The following FBXO45 variants were observed in gnomAD, a reference collection of about 807,000 sequenced individuals.
FBXO45 encodes the protein F-box protein 45.
In FBXO45, 3 loss-of-function variants were observed where a neutral mutation model predicts 25.5. That is an observed-to-expected ratio of 0.12 (90% CI 0.05 to 0.30). The LOEUF is 0.30. Ranked by LOEUF, FBXO45 falls within the 10% of genes least tolerant of loss-of-function variation. The pLI is 1.00. For synonymous variants in FBXO45, 155 were observed against 149.8 expected (o/e 1.03, Z -0.25); for missense variants, 219 against 365.0 (o/e 0.60, Z 3.26).
At chr3:196,577,418 T>C (rs1735933616) in intron 1 of FBXO45, 35 bp from the exon 2 acceptor site, 1 of 1,397,956 alleles carries the variant, frequency 7.2e-7, no homozygotes, top group Non-Finnish European at 9.7e-7. Context: ...AAAAATAAAA[T>C]TGTTATTTAT....
In FBXO45 at chr3:196,584,130, C is replaced by T; in HGVS notation, c.676-3C>T. 1 of 1,613,098 alleles carries T rather than the reference C, an allele frequency of 6.2e-7. No individual in the cohort carries two copies. Among genetic ancestry groups the T allele is most frequent in the Admixed American group, 1.7e-5 (1 of 59,796 alleles). ...CTTCTAACCTTTTGATATCTGTTTG[C>T]AGATAGGAGAAAGAATTCGAGTCAT... On this transcript the variant is annotated splice_region_variant and splice_polypyrimidine_tract_variant and intron_variant, in intron 2 of 2. Transcript: ENST00000311630. The surrounding 1 kb of genome is among the most constrained non-coding windows in gnomAD (Gnocchi z 4.3).
At position 196,578,435 on chromosome 3, in the gene FBXO45, CA is replaced by C. The variant is rs1227577688; in HGVS notation, c.675+627del. ...TAAGCAGCCTATTTTTGCTCCAGAT[CA>C]GGGGTTGGCAAACTTTTTGTAAGGG... On this transcript the variant is annotated intron_variant, in intron 2 of 2. Transcript: ENST00000311630. Among the ~76,000 whole-genome samples the C allele has an allele frequency of 3.4e-4, 51 of 152,102 alleles. 1 individual carries two copies. Among genetic ancestry groups the C allele is most frequent in the Non-Finnish European group, 1.0e-4 (7 of 67,994 alleles).
rs750348351 is a variant in FBXO45 at position 196,577,790 on chromosome 3, A to G, written c.656A>G (p.Asn219Ser). The change falls in exon 2 of 3, where the codon AAC becomes AGC. Residue 219 changes from asparagine (N) to serine (S), a missense_variant. By Grantham distance (46) the Asn-to-Ser change is conservative (BLOSUM62 1). This residue lies in a region of FBXO45 where 34 missense variants were observed against 48.2 expected (regional missense o/e 0.70). Transcript: ENST00000311630. The stretch of plus-strand genomic sequence containing the variant: ...GTCAATGGCAGTTTTCCACAGTGCA[A>G]CAACGCACCAAAATATCAGGTGAGA... ...GEVNGSFPQC[N>S]NAPKYQIGER... 9 of 1,584,194 alleles carry G rather than the reference A, an allele frequency of 5.7e-6. No homozygotes were observed. The highest frequency in any genetic ancestry group is 7.8e-6 in the Non-Finnish European group (9 of 1,156,678).
chr3:196,579,153 G>A (rs1735965840), intron 2 of FBXO45, among the ~76,000 whole-genome samples: 1 of 152,154 alleles, frequency 6.6e-6, no homozygotes, highest in Non-Finnish European at 1.5e-5. Flanking sequence ...TGTAAAAGCC[G>A]TATTTATTAC....
chr3:196,582,440 GA>G (rs1736028996), intron 2 of FBXO45, among the ~76,000 whole-genome samples: 1 of 152,076 alleles, frequency 6.6e-6, no homozygotes, highest in Non-Finnish European at 1.5e-5. Context: ...GCAAAGGGAG[GA>G]AAAAAGCAGA....
In FBXO45 at chr3:196,587,004, A is replaced by G. The variant is rs951938538; in HGVS notation, c.*2686A>G. 2 of 152,248 alleles carry G rather than the reference A, an allele frequency of 1.3e-5. No individual in the cohort carries two copies. Among genetic ancestry groups the G allele is most frequent in the Admixed American group, 1.3e-4 (2 of 15,282 alleles). The allele number at this position is 152,248 out of a possible 1,614,324, so 9.4% of individuals were successfully genotyped here. On this transcript the variant is annotated 3_prime_UTR_variant, in exon 3 of 3. Coordinates refer to ENST00000311630, the MANE Select transcript of FBXO45 (RefSeq NM_001105573.2). Reference sequence around the variant, plus strand: ...GCTTGTGCCGTGGATGAAAAGTGCTATTAAAAGTCAAAGGAGTGTTCTGTT... The same window carrying G: ...GCTTGTGCCGTGGATGAAAAGTGCTGTTAAAAGTCAAAGGAGTGTTCTGTT...
rs1191664557 is a variant in FBXO45 at position 196,581,418 on chromosome 3, A to G, written c.676-2715A>G. Among the ~76,000 whole-genome samples the G allele has an allele frequency of 2.0e-5, 3 of 147,158 alleles. No individual in the cohort carries two copies. The East Asian group carries it at 5.8e-4, about 28-fold the overall frequency. On this transcript the variant is annotated intron_variant, in intron 2 of 2. Coordinates refer to ENST00000311630, the MANE Select transcript of FBXO45 (RefSeq NM_001105573.2). ...GCTAATTTTTGTATTTTTAGTAGAGATGAGGTTTCACCATGTTGGCCAGGA... is the reference window on the plus strand; with the variant it reads ...GCTAATTTTTGTATTTTTAGTAGAGGTGAGGTTTCACCATGTTGGCCAGGA...
chr3:196,573,691 G>T (rs773175069), intron 1 of FBXO45, among the ~76,000 whole-genome samples: 8 of 152,062 alleles, frequency 5.3e-5, no homozygotes, highest in Non-Finnish European at 1.0e-4. Flanking sequence ...TTTAGGGATA[G>T]CATAGAACAG....
chr3:196,577,951 C>G, intron 2 of FBXO45, 142 bp downstream of exon 2: 1 of 456,734 alleles, frequency 2.2e-6, no homozygotes, highest in Non-Finnish European at 3.4e-6. Flanking sequence ...TTCAGATACC[C>G]AGACTTCAAG....
chr3:196,576,054 G>GGAATGCCTCAGTTTTATTGT (rs1735908821), intron 1 of FBXO45, among the ~76,000 whole-genome samples: 1 of 152,168 alleles, frequency 6.6e-6, no homozygotes, highest in South Asian at 2.1e-4. Context: ...AAAAACATTG[G>GGAATGCCTCAGTTTTATTGT]GAATGCCTCA....
At chr3:196,576,327 A>G (rs1735913406) in intron 1 of FBXO45, among the ~76,000 whole-genome samples, 1 of 152,192 alleles carries the variant, frequency 6.6e-6, no homozygotes, top group African/African-American at 2.4e-5. Context: ...TAGCTGAAGC[A>G]TAGGTCCCAG....
chr3:196,584,105 C>A lies in FBXO45; in HGVS notation c.676-28C>A. The A allele has an allele frequency of 6.2e-7, 1 of 1,606,990 alleles. No individual in the cohort carries two copies. The highest frequency in any genetic ancestry group is 8.5e-7 in the Non-Finnish European group (1 of 1,177,404). On this transcript the variant is annotated intron_variant, in intron 2 of 2. Coordinates refer to ENST00000311630, the MANE Select transcript of FBXO45 (RefSeq NM_001105573.2). This position sits in a 1 kb window ranked among gnomAD's most constrained non-coding sequence, Gnocchi z 4.3. Reference sequence around the variant, plus strand: ...TCTAGCTACACCCTTGGCAGATTTTCTTCTAACCTTTTGATATCTGTTTGC... The same window carrying A: ...TCTAGCTACACCCTTGGCAGATTTTATTCTAACCTTTTGATATCTGTTTGC...
chr3:196,569,289 G>C lies in FBXO45; in HGVS notation c.305G>C (p.Ser102Thr). 2 of 1,568,488 alleles carry C rather than the reference G, an allele frequency of 1.3e-6. No individual in the cohort carries two copies. The highest frequency in any genetic ancestry group is 1.7e-6 in the Non-Finnish European group (2 of 1,154,668). Residue 102 changes from serine to threonine, a missense_variant, in exon 1 of 3, where the codon AGC becomes ACC. Physicochemically the swap from Ser to Thr is moderately conservative, Grantham distance 58 (BLOSUM62 1). Around this residue, in one of 4 missense-constraint regions of FBXO45, gnomAD observed 138 missense variants for 157.3 expected, o/e 0.88. Coordinates refer to ENST00000311630, the MANE Select transcript of FBXO45 (RefSeq NM_001105573.2). The surrounding 1 kb of genome is among the most constrained non-coding windows in gnomAD (Gnocchi z 4.1). The part of the protein sequence containing the change: ...LRTDILCNLP[S>T]YKAKIRAFQH... ...ACGGACATCCTGTGCAACCTGCCCA[G>C]CTACAAGGCCAAGGTGAGAGAGCCC...
chr3:196,569,089 C>T lies in FBXO45; in HGVS notation c.105C>T (p.Ala35=). Residue 35 remains alanine (A), a synonymous_variant, in exon 1 of 3, where the codon GCC becomes GCT. Coordinates refer to ENST00000311630, the MANE Select transcript of FBXO45 (RefSeq NM_001105573.2). The surrounding 1 kb of genome is among the most constrained non-coding windows in gnomAD (Gnocchi z 4.1). ...GCTCGGGCTCTGGGGCCGCGGGGGCCGGGGGCCGGCTGCCCAGCCGGGTGC... is the reference window on the plus strand; with the variant it reads ...GCTCGGGCTCTGGGGCCGCGGGGGCTGGGGGCCGGCTGCCCAGCCGGGTGC... ...GAGSGSGAAG[A]GGRLPSRVLE... The T allele has an allele frequency of 6.8e-7, 1 of 1,464,578 alleles. No homozygotes were observed. Among genetic ancestry groups the T allele is most frequent in the Non-Finnish European group, 9.1e-7 (1 of 1,097,116 alleles). 90.7% of individuals were successfully genotyped at this position (1,464,578 alleles called of 1,614,324 possible).
intron 1 of FBXO45, among the ~76,000 whole-genome samples, chr3:196,570,812 C>T (rs1409219624): frequency 6.7e-6 from 1 of 148,706 alleles, no homozygotes; most frequent in Admixed American, 6.7e-5. Flanking sequence ...CCCGGGTTCA[C>T]GCCATTCTCC....
chr3:196,570,007 T>G (rs1006854179), intron 1 of FBXO45, among the ~76,000 whole-genome samples: 2 of 152,182 alleles, frequency 1.3e-5, no homozygotes, highest in Non-Finnish European at 2.9e-5. Flanking sequence ...ACGTGCTGAT[T>G]ACAGTTTCGC....
Position 196,569,414 on chromosome 3 carries a change from T to C in FBXO45, c.318+112T>C. The stretch of plus-strand genomic sequence containing the variant: ...AAGCTTCGCCTCACCAGCCCGCCTT[T>C]CCACGGCTCCAGTCAGTATCTTCCT... On this transcript the variant is annotated intron_variant, in intron 1 of 2. Coordinates refer to ENST00000311630, the MANE Select transcript of FBXO45 (RefSeq NM_001105573.2). This position sits in a 1 kb window ranked among gnomAD's most constrained non-coding sequence, Gnocchi z 4.1. The C allele has an allele frequency of 9.5e-7, 1 of 1,047,412 alleles. No individual in the cohort carries two copies. The highest frequency in any genetic ancestry group is 1.3e-6 in the Non-Finnish European group (1 of 740,816). 64.9% of individuals were successfully genotyped at this position (1,047,412 alleles called of 1,614,324 possible).
rs1736090180 is a variant in FBXO45, at chr3:196,585,511, T to A, written c.*1193T>A. 6.6e-6 allele frequency: 1 copy of A among 152,236 alleles called. No individual in the cohort carries two copies. Among genetic ancestry groups the A allele is most frequent in the Admixed American group, 6.5e-5 (1 of 15,288 alleles). The allele number at this position is 152,236 out of a possible 1,614,324, so 9.4% of individuals were successfully genotyped here. A position where few individuals can be genotyped will look rare whatever the true frequency, so the allele number is the denominator to read the frequency against. ...CAGCTGAAACAGGTTAAGAATATTC[T>A]TAATCTCATTATAGATAATTGCCCC... is the stretch of plus-strand genomic sequence containing the variant. On this transcript the variant is annotated 3_prime_UTR_variant, in exon 3 of 3. Coordinates refer to ENST00000311630, the MANE Select transcript of FBXO45 (RefSeq NM_001105573.2).
chr3:196,584,279 A>G lies in FBXO45; in HGVS notation c.822A>G (p.Glu274=), dbSNP rs1361179485. ...PAVSAVYGNT[E]VTLVYLGKPL... is the part of the protein sequence containing the mutation. ...TTTCTGCTGTATATGGCAACACAGA[A>G]GTGACTTTGGTTTACCTTGGAAAAC... The change falls in exon 3 of 3, where the codon GAA becomes GAG. Residue 274 remains glutamate, a synonymous_variant. Transcript: ENST00000311630. This position sits in a 1 kb window ranked among gnomAD's most constrained non-coding sequence, Gnocchi z 4.3. The G allele has an allele frequency of 6.2e-7, 1 of 1,609,716 alleles. No homozygotes were observed. Among genetic ancestry groups the G allele is most frequent in the Non-Finnish European group, 8.5e-7 (1 of 1,179,026 alleles).
Sources: allele counts gnomAD v4.1 joint callset (sites outside exome capture counted in the v4.1 genomes callset), GRCh38; gene constraint gnomAD v4.1.1; regional missense constraint gnomAD v4.1.1; non-coding constraint Gnocchi (gnomAD v3.1); transcripts MANE v1.5; gene names NCBI Gene and HGNC (gene_info 2026-07-23, HGNC 2026-07-21).